Variants in NFATC2 observed in about 807,000 individuals in gnomAD.
The protein encoded by NFATC2 is nuclear factor of activated T-cells, cytoplasmic 2.
Under a neutral mutation model 87.3 loss-of-function variants are expected in NFATC2, and 22 were observed. That is an observed-to-expected ratio of 0.25 (90% CI 0.18 to 0.36). The LOEUF (loss-of-function observed/expected upper bound fraction) is 0.36. Among genes scored for constraint, NFATC2 ranks in the 10% least tolerant of loss-of-function variants. The pLI is 1.00. For synonymous variants in NFATC2, 565 were observed against 542.2 expected, an observed-to-expected ratio of 1.04 and a Z score of -0.58; for missense variants, 1,149 against 1,259.1, an observed-to-expected ratio of 0.91 and a Z score of 1.32.
rs1982978760 is a variant in NFATC2, at chr20:51,432,845, G to A, written c.2033-89C>T. 8.3e-7 allele frequency: 1 copy of A among 1,209,986 alleles called. No individual in the cohort carries two copies. The highest frequency in any genetic ancestry group is 1.1e-6 in the Non-Finnish European group (1 of 904,066). The allele number at this position is 1,209,986 out of a possible 1,614,324, so 75.0% of individuals were successfully genotyped here. On this transcript the variant is annotated intron_variant, in intron 8 of 10. Coordinates refer to ENST00000371564, the MANE Select transcript of NFATC2 (RefSeq NM_012340.5). This position sits in a 1 kb window ranked among gnomAD's most constrained non-coding sequence, Gnocchi z 4.6. ...TTCGTGGATGGTGCTTGAGAACATG[G>A]CCTTGGGAGTCCATACGGGTGGGAC...
intron 6 of NFATC2, among the ~76,000 whole-genome samples, chr20:51,449,739 T>A (rs554527231): frequency 8.7e-4 from 133 of 152,314 alleles, no homozygotes; most frequent in African/African-American, 3.1e-3. Context: ...AGCTGTGTGA[T>A]CTTCACTAAG....
chr20:51,526,289 A>G (rs766698366), intron 1 of NFATC2, among the ~76,000 whole-genome samples: 8 of 152,116 alleles, frequency 5.3e-5, no homozygotes, highest in Admixed American at 1.3e-4. Context: ...AAATAGTTTT[A>G]TGACAACACA....
intron 1 of NFATC2, among the ~76,000 whole-genome samples, chr20:51,552,331 C>A (rs188208200): frequency 2.6e-5 from 4 of 151,230 alleles, no homozygotes; most frequent in Admixed American, 2.0e-4. Context: ...TATATATATA[C>A]ATATAGTTCA....
intron 3 of NFATC2, among the ~76,000 whole-genome samples, chr20:51,501,177 A>G (rs2076084321): frequency 6.6e-6 from 1 of 152,024 alleles, no homozygotes; most frequent in Non-Finnish European, 1.5e-5. Flanking sequence ...CACTTCCTCT[A>G]TACCTTTGGC....
chr20:51,433,445 G>T lies in NFATC2; in HGVS notation c.2033-689C>A, dbSNP rs1600721125. Among the ~76,000 whole-genome samples, 3 of 152,182 alleles carry T rather than the reference G, an allele frequency of 2.0e-5. No homozygotes were observed. In the South Asian group the frequency reaches 6.2e-4, roughly 32 times the overall value. On this transcript the variant is annotated intron_variant, in intron 8 of 10. Transcript: ENST00000371564. ...ATACCTACCCCCACGAGATCACTGG[G>T]AGGATTAAATGTGTGTGCAAAGCAC...
intron 10 of NFATC2, among the ~76,000 whole-genome samples, chr20:51,391,700 G>A (rs955474592): frequency 6.6e-6 from 1 of 152,032 alleles, no homozygotes; most frequent in Non-Finnish European, 1.5e-5. Flanking sequence ...ATTTTTAGTA[G>A]GGACAGGGTC....
chr20:51,408,512 T>C (rs6021186), intron 9 of NFATC2, among the ~76,000 whole-genome samples: 31 of 137,210 alleles, frequency 2.3e-4, no homozygotes, highest in African/African-American at 8.3e-4. Context: ...AGACTCTTTT[T>C]AAAAAAAAAA....
Position 51,432,029 on chromosome 20 carries a change from C to T in NFATC2, c.2722+38G>A. ...TCCTGGGCAGAGATGCTTCAGGGCA[C>T]CATCCTTACAGGCAGTGACAAAACT... On this transcript the variant is annotated intron_variant, in intron 9 of 10. Transcript: ENST00000371564. This position sits in a 1 kb window ranked among gnomAD's most constrained non-coding sequence, Gnocchi z 4.6. The T allele has an allele frequency of 6.6e-7, 1 of 1,503,896 alleles. No individual in the cohort carries two copies. The highest frequency in any genetic ancestry group is 1.4e-5 in the African/African-American group (1 of 71,580). 93.2% of individuals were successfully genotyped at this position (1,503,896 alleles called of 1,614,324 possible).
intron 5 of NFATC2, among the ~76,000 whole-genome samples, chr20:51,466,127 A>G (rs867293704): frequency 6.6e-6 from 1 of 152,110 alleles, no homozygotes; most frequent in African/African-American, 2.4e-5. Context: ...ATCTCGGCTC[A>G]CTGCAACCTC....
chr20:51,520,209 CAT>C (rs1185670790), intron 2 of NFATC2, among the ~76,000 whole-genome samples: 2 of 152,196 alleles, frequency 1.3e-5, no homozygotes, highest in East Asian at 3.8e-4. Flanking sequence ...ATAAATGTAT[CAT>C]AATCATATTT....
chr20:51,556,615 A>C (rs1401645079), intron 1 of NFATC2, among the ~76,000 whole-genome samples: 2 of 152,218 alleles, frequency 1.3e-5, no homozygotes, highest in Non-Finnish European at 2.9e-5. Context: ...GGAGATGGAA[A>C]CTGGGCTGGG....
intron 9 of NFATC2, among the ~76,000 whole-genome samples, chr20:51,415,262 A>AAC (rs1181704212): frequency 2.0e-5 from 3 of 151,246 alleles, no homozygotes; most frequent in Non-Finnish European, 4.4e-5. Context: ...AAAAAAAAAA[A>AAC]ATTCTAAAAA....
intron 9 of NFATC2, among the ~76,000 whole-genome samples, chr20:51,429,028 C>T (rs1261868527): frequency 2.0e-5 from 3 of 152,220 alleles, no homozygotes; most frequent in African/African-American, 7.2e-5. Flanking sequence ...AAAGGAATGA[C>T]CCAGGGGATT....
At chr20:51,412,731 T>A (rs146952365) in intron 9 of NFATC2, among the ~76,000 whole-genome samples, 1 of 151,900 alleles carries the variant, frequency 6.6e-6, no homozygotes, top group Non-Finnish European at 1.5e-5. Flanking sequence ...TCCACGGGGA[T>A]GCTATCTTCG....
chr20:51,449,182 C>A (rs553242048), intron 6 of NFATC2, among the ~76,000 whole-genome samples: 2 of 152,210 alleles, frequency 1.3e-5, no homozygotes, highest in Non-Finnish European at 2.9e-5. Context: ...TGTTCCGCCC[C>A]GCCCCGCAGA....
At chr20:51,541,150 G>A (rs529161270) in intron 1 of NFATC2, among the ~76,000 whole-genome samples, 5 of 152,210 alleles carry the variant, frequency 3.3e-5, no homozygotes, top group South Asian at 4.2e-4. Flanking sequence ...CGATGGAAGC[G>A]AAAACTTCAT....
At chr20:51,393,734 C>G (rs920869962) in intron 10 of NFATC2, among the ~76,000 whole-genome samples, 3 of 152,120 alleles carry the variant, frequency 2.0e-5, no homozygotes, top group African/African-American at 7.2e-5. Flanking sequence ...TTTCAAAGCC[C>G]GGATTCCAAA....
At chr20:51,417,537 T>C (rs1384434918) in intron 9 of NFATC2, among the ~76,000 whole-genome samples, 1 of 152,158 alleles carries the variant, frequency 6.6e-6, no homozygotes, top group African/African-American at 2.4e-5. Flanking sequence ...CAAAGTCACT[T>C]CCTCAAAGAG....
intron 5 of NFATC2, among the ~76,000 whole-genome samples, chr20:51,473,352 C>T (rs760176219): frequency 2.2e-4 from 33 of 151,858 alleles, no homozygotes; most frequent in Non-Finnish European, 4.0e-4. Flanking sequence ...GGGTGGGGGA[C>T]AGGGCATGGG....
Sources: allele counts gnomAD v4.1 joint callset (sites outside exome capture counted in the v4.1 genomes callset), GRCh38; gene constraint gnomAD v4.1.1; non-coding constraint Gnocchi (gnomAD v3.1); transcripts MANE v1.5; gene names NCBI Gene and HGNC (gene_info 2026-07-23, HGNC 2026-07-21).